Variants in DUOX1 observed in about 807,000 individuals in gnomAD.
DUOX1 encodes the protein NADPH thyroid oxidase 1.
In DUOX1, 134 loss-of-function variants were observed where a neutral mutation model predicts 181.8. The ratio of observed to expected loss-of-function variants is 0.74; its 90% CI spans 0.64 to 0.85. The LOEUF is 0.85. DUOX1 is among the 40% of genes least tolerant of loss of function. The probability of loss-of-function intolerance (pLI) is 0.00; values close to 1 mark genes in which losing one functional copy is unlikely to be tolerated. For missense variants in DUOX1, 1,814 were observed against 2,064.4 expected, an observed-to-expected ratio of 0.88 and a Z score of 2.35; for synonymous variants, 798 against 832.5, an observed-to-expected ratio of 0.96 and a Z score of 0.71.
intron 28 of DUOX1, among the ~76,000 whole-genome samples, chr15:45,158,942 GGGAGT>G (rs1897031679): frequency 4.6e-5 from 7 of 152,182 alleles, no homozygotes; most frequent in African/African-American, 1.7e-4. Flanking sequence ...GTTCACTGAA[GGGAGT>G]TTCACTTGGG....
chr15:45,134,820 G>A (rs996197493), intron 4 of DUOX1, among the ~76,000 whole-genome samples: 2 of 152,156 alleles, frequency 1.3e-5, no homozygotes, highest in Non-Finnish European at 2.9e-5. Context: ...GCGTTTTGGA[G>A]CTGGTGCTGC....
chr15:45,145,414 C>G (rs905700649), intron 18 of DUOX1, among the ~76,000 whole-genome samples: 1 of 152,172 alleles, frequency 6.6e-6, no homozygotes, highest in Non-Finnish European at 1.5e-5. Flanking sequence ...GCAGCGTGGG[C>G]ACCATAAGGG....
chr15:45,156,458 A>G (rs566710498), intron 28 of DUOX1, among the ~76,000 whole-genome samples: 14 of 152,228 alleles, frequency 9.2e-5, no homozygotes, highest in Admixed American at 8.5e-4. Flanking sequence ...TTTGAGACAG[A>G]GTCTCGCCCT....
At position 45,135,464 on chromosome 15, in the gene DUOX1, T is replaced by A. The variant is rs1279928268; in HGVS notation, c.496-10T>A. The A allele has an allele frequency of 3.2e-6, 5 of 1,547,758 alleles. No homozygotes were observed. The highest frequency in any genetic ancestry group is 3.5e-6 in the Non-Finnish European group (4 of 1,147,528). ...CATCGACCCGGGCTCACCCGCCGCG[T>A]GCCCCGCAGGCCAACCAGGTGACGG... On this transcript the variant is annotated splice_polypyrimidine_tract_variant and intron_variant, in intron 5 of 33. Transcript: ENST00000389037.
At position 45,147,667 on chromosome 15, in the gene DUOX1, G is replaced by A. The variant is rs750191298; in HGVS notation, c.2548+9G>A. 1.2e-6 allele frequency: 2 copies of A among 1,614,082 alleles called. No homozygotes were observed. Among genetic ancestry groups the A allele is most frequent in the South Asian group, 1.1e-5 (1 of 91,022 alleles). ...GGTGGTCTTCATGAAAGGTGAGGGA[G>A]GAGGGAATGATAGGAGAGGCTGGAC... On this transcript the variant is annotated intron_variant, in intron 19 of 33. Transcript: ENST00000389037.
intron 24 of DUOX1, 99 bp downstream of exon 24, chr15:45,152,151 A>T (rs917083915): frequency 1.3e-6 from 2 of 1,499,838 alleles, no homozygotes; most frequent in Non-Finnish European, 1.8e-6. Flanking sequence ...TGGGTAGGGT[A>T]AGTGGAGCCT....
Position 45,160,921 on chromosome 15 carries a change from G to A in DUOX1, c.3787G>A (p.Asp1263Asn), listed in dbSNP as rs139857207. 34 of 1,614,074 alleles carry A rather than the reference G, an allele frequency of 2.1e-5. No individual in the cohort carries two copies. In the African/African-American group the frequency reaches 3.5e-4, roughly 16 times the overall value. Residue 1263 changes from aspartate (D) to asparagine (N), a missense_variant, in exon 29 of 34, where the codon GAC becomes AAC. Physicochemically the swap from Asp to Asn is conservative, Grantham distance 23 (BLOSUM62 1). Transcript: ENST00000389037. The part of the protein sequence containing the change: ...FLVPAIIYGG[D>N]KLVSLSRKKV... ...GGTCCCAGCAATCATCTATGGGGGCGACAAGCTGGTGAGCCTGAGCCGGAA... is the reference window on the plus strand; with the variant it reads ...GGTCCCAGCAATCATCTATGGGGGCAACAAGCTGGTGAGCCTGAGCCGGAA...
intron 17 of DUOX1, 82 bp downstream of exon 17, chr15:45,144,317 C>A: frequency 1.4e-6 from 2 of 1,431,450 alleles, no homozygotes. Flanking sequence ...AGCATGGGGT[C>A]AGGAGGCAGG....
rs953694228 is a variant in DUOX1 at position 45,139,542 on chromosome 15, G to A, written c.1332G>A (p.Leu444=). ...CCAAGGCCAGGGCAGCACTGGGCTT[G>A]TCTCCCATTACCCGCTGGCAGGACA... ...SYTKARAALG[L]SPITRWQDIN... The change falls in exon 12 of 34, where the codon TTG becomes TTA. Residue 444 remains leucine (L), a synonymous_variant. Transcript: ENST00000389037. The A allele has an allele frequency of 1.2e-6, 2 of 1,612,940 alleles. No individual in the cohort carries two copies. The highest frequency in any genetic ancestry group is 1.7e-6 in the Non-Finnish European group (2 of 1,179,608).
rs773920813 is a variant in DUOX1, at chr15:45,151,987, G to T, written c.3128G>T (p.Arg1043Leu). The T allele has an allele frequency of 6.2e-7, 1 of 1,614,106 alleles. No homozygotes were observed. The highest frequency in any genetic ancestry group is 1.7e-5 in the Admixed American group (1 of 60,012). ...AAGCGCTTCATTGAGAACTACCGGC[G>T]CCACATCGGCTGCGTGGCCGTGTTC... Reference protein sequence around the residue: ...QFKRFIENYRRHIGCVAVFYA... With the variant: ...QFKRFIENYRLHIGCVAVFYA... The change falls in exon 24 of 34, where the codon CGC (arginine) becomes CTC (leucine). Residue 1043 changes from arginine (R) to leucine (L), a missense_variant. Physicochemically the swap from Arg to Leu is moderately radical, Grantham distance 102. Around this residue, in one of 5 missense-constraint regions of DUOX1, gnomAD observed 1,064 missense variants for 1,152.9 expected, o/e 0.92. Transcript: ENST00000389037.
rs775963218 is a variant in DUOX1, at chr15:45,148,276, T to C, written c.2647T>C (p.Phe883Leu). ...GTTCCTCTCCCCCAACCCCAGATCC[T>C]TCATCGAGATCTCCAACAACTGCCT... ...KDEFIRMLRS[F>L]IEISNNCLSK... is the part of the protein sequence containing the mutation. Residue 883 changes from phenylalanine to leucine, a missense_variant, in exon 21 of 34, where the codon TTC becomes CTC. By Grantham distance (22) the Phe-to-Leu change is conservative (BLOSUM62 0). This residue lies in a region of DUOX1 where 1,064 missense variants were observed against 1,152.9 expected (regional missense o/e 0.92). Coordinates refer to ENST00000389037, the MANE Select transcript of DUOX1 (RefSeq NM_175940.3). 13 of 1,614,148 alleles carry C rather than the reference T, an allele frequency of 8.1e-6. No individual in the cohort carries two copies. Among genetic ancestry groups the C allele is most frequent in the Middle Eastern group, 1.7e-4 (1 of 6,040 alleles).
At chr15:45,152,934 A>G (rs564644608) in intron 25 of DUOX1, 11 of 326,450 alleles carry the variant, frequency 3.4e-5, no homozygotes, top group African/African-American at 2.1e-4. Flanking sequence ...AGAGGTCAGA[A>G]GTCCAGGCCG....
intron 11 of DUOX1, 37 bp downstream of exon 11, chr15:45,139,205 T>C (rs1896424402): frequency 6.2e-7 from 1 of 1,613,716 alleles, no homozygotes; most frequent in East Asian, 2.2e-5. Flanking sequence ...TGTGAACTCC[T>C]GGCCTCTGGG....
At chr15:45,157,951 C>T (rs1897004600) in intron 28 of DUOX1, among the ~76,000 whole-genome samples, 1 of 152,112 alleles carries the variant, frequency 6.6e-6, no homozygotes, top group Non-Finnish European at 1.5e-5. Context: ...TCCCACTTGT[C>T]CCAGGCGTGA....
In DUOX1 at chr15:45,144,930, G is replaced by A. The variant is rs766957459; in HGVS notation, c.2172G>A (p.Ala724=). 11 of 1,612,880 alleles carry A rather than the reference G, an allele frequency of 6.8e-6. No homozygotes were observed. Among genetic ancestry groups the A allele is most frequent in the Middle Eastern group, 1.7e-4 (1 of 5,850 alleles). ...TTAACTTGGAGGAAGAGCGGCAGGC[G>A]CTGGTGGAAAATCTCCGGGGAGCTC... ...LLFNLEEERQ[A]LVENLRGALK... The change falls in exon 18 of 34, where the codon GCG becomes GCA. Residue 724 remains alanine (A), a synonymous_variant. Coordinates refer to ENST00000389037, the MANE Select transcript of DUOX1 (RefSeq NM_175940.3).
Position 45,141,906 on chromosome 15 carries a change from C to T in DUOX1, c.1685-69C>T. ...CCCACCCCCTTTCTGCCACCCTAAC[C>T]TCCTCCGTGATCCTGTGCCAGCACC... On this transcript the variant is annotated intron_variant, in intron 14 of 33. Coordinates refer to ENST00000389037, the MANE Select transcript of DUOX1 (RefSeq NM_175940.3). 2.6e-6 allele frequency: 4 copies of T among 1,544,160 alleles called. 1 individual carries two copies. Among genetic ancestry groups the T allele is most frequent in the South Asian group, 2.5e-5 (2 of 80,852 alleles).
chr15:45,134,082 G>T lies in DUOX1; in HGVS notation c.143-63G>T, dbSNP rs191212100. 2.6e-6 allele frequency: 4 copies of T among 1,539,888 alleles called. No homozygotes were observed. The Admixed American group carries it at 8.1e-5, about 31-fold the overall frequency. On this transcript the variant is annotated intron_variant, in intron 3 of 33. Coordinates refer to ENST00000389037, the MANE Select transcript of DUOX1 (RefSeq NM_175940.3). ...GATCCATGACATGGAGGAAAGCCTG[G>T]GAGAGAGGGGGTCAAGAATGCCCCC... is the stretch of plus-strand genomic sequence containing the variant.
chr15:45,131,430 A>G (rs1317080094), intron 1 of DUOX1: 1 of 156,380 alleles, frequency 6.4e-6, no homozygotes, highest in African/African-American at 2.4e-5. Context: ...TCTGGCAACC[A>G]TGCTTAGAAG....
chr15:45,136,045 A>G (rs552133821), intron 7 of DUOX1, 97 bp downstream of exon 7: 1 of 1,449,782 alleles, frequency 6.9e-7, no homozygotes, highest in East Asian at 2.4e-5. Flanking sequence ...GACAACCGCC[A>G]CCCAGAAACC....
Sources: gnomAD v4.1 joint callset for allele counts (sites outside exome capture counted in the v4.1 genomes callset) on GRCh38, gnomAD v4.1.1 for gene constraint, gnomAD v4.1.1 regional missense constraint, MANE v1.5 for transcripts, NCBI Gene and HGNC (gene_info 2026-07-23, HGNC 2026-07-21) for gene names.